Variants in LYPD6B observed in about 807,000 individuals in gnomAD.
The protein encoded by LYPD6B is LY6/PLAUR domain containing 6B, also known as ly6/PLAUR domain-containing protein 6B.
In LYPD6B, 17 loss-of-function variants were observed where a neutral mutation model predicts 22.8. That is an observed-to-expected ratio of 0.75 (90% CI 0.51 to 1.12). The LOEUF is 1.12. Ranked by LOEUF, LYPD6B falls within the 50% of genes most tolerant of loss-of-function variation. The pLI is 0.00. For missense variants in LYPD6B, 221 were observed against 258.3 expected (o/e 0.86, Z 0.99); for synonymous variants, 106 against 91.6 (o/e 1.16, Z -0.90).
chr2:149,122,952 G>C (rs1687468477), intron 1 of LYPD6B, among the ~76,000 whole-genome samples: 1 of 152,188 alleles, frequency 6.6e-6, no homozygotes, highest in Admixed American at 6.5e-5. Context: ...GTTCAAATTA[G>C]TGTCAAGCAG....
At chr2:149,125,207 C>A (rs1687625969) in intron 1 of LYPD6B, among the ~76,000 whole-genome samples, 1 of 152,186 alleles carries the variant, frequency 6.6e-6, no homozygotes, top group Admixed American at 6.5e-5. Context: ...TGTAACGTCA[C>A]AAATCACTAA....
intron 1 of LYPD6B, 132 bp downstream of exon 1, chr2:149,038,933 C>G (rs1045924042): frequency 8.4e-5 from 11 of 130,802 alleles, no homozygotes; most frequent in Admixed American, 7.1e-4. Context: ...GCTGGGGCAG[C>G]CAGGAGCTCG....
At chr2:149,187,787 A>G (rs1355663075) in intron 3 of LYPD6B, among the ~76,000 whole-genome samples, 1 of 152,270 alleles carries the variant, frequency 6.6e-6, no homozygotes, top group African/African-American at 2.4e-5. Flanking sequence ...GAAAGTTTAC[A>G]AAATTTGTGT....
At chr2:149,058,723 G>A (rs1463306339) in intron 1 of LYPD6B, among the ~76,000 whole-genome samples, 8 of 152,246 alleles carry the variant, frequency 5.3e-5, no homozygotes, top group South Asian at 2.1e-4. Flanking sequence ...AGGTTCCAGC[G>A]ATTCTCCTGC....
Position 149,215,058 on chromosome 2 carries a change from C to T in LYPD6B, c.*348C>T. The T allele has an allele frequency of 4.1e-6, 1 of 246,300 alleles. No homozygotes were observed. Among genetic ancestry groups the T allele is most frequent in the Non-Finnish European group, 7.9e-6 (1 of 125,804 alleles). 15.3% of individuals were successfully genotyped at this position (246,300 alleles called of 1,614,324 possible). A position where few individuals can be genotyped will look rare whatever the true frequency, so the allele number is the denominator to read the frequency against. ...ACCTCCTTGACTGCCTCAGAGGCTGCCAGGTCAAACCCTCTTGTTTATGTG... is the reference window on the plus strand; with the variant it reads ...ACCTCCTTGACTGCCTCAGAGGCTGTCAGGTCAAACCCTCTTGTTTATGTG... On this transcript the variant is annotated 3_prime_UTR_variant, in exon 7 of 7. Transcript: ENST00000409642.
chr2:149,136,374 G>A (rs1167839851), intron 2 of LYPD6B, among the ~76,000 whole-genome samples: 1 of 152,180 alleles, frequency 6.6e-6, no homozygotes, highest in Non-Finnish European at 1.5e-5. Flanking sequence ...AATTACCGTG[G>A]CTTTTGGTAG....
rs114756382 is a variant in LYPD6B, at chr2:149,119,491, C to T, written c.-66-11392C>T. On this transcript the variant is annotated intron_variant, in intron 1 of 6. Coordinates refer to ENST00000409642, the MANE Select transcript of LYPD6B (RefSeq NM_177964.5). ...GGAAAGTACATTTCTCTTGGATTTT[C>T]CTGTCTTTTGACATGTACCTTTGTG... Among the ~76,000 whole-genome samples, 1,448 of 152,306 alleles carry T rather than the reference C, an allele frequency of 9.5e-3. 11 individuals are homozygous for T. The highest frequency in any genetic ancestry group is 0.013 in the Non-Finnish European group (895 of 68,024).
rs190056940 is a variant in LYPD6B, at chr2:149,172,500, A to T, written c.77+11665A>T. Among the ~76,000 whole-genome samples the T allele has an allele frequency of 2.6e-3, 401 of 152,290 alleles. 2 individuals are homozygous for T. The highest frequency in any genetic ancestry group is 4.5e-3 in the Non-Finnish European group (309 of 68,020). Reference sequence around the variant, plus strand: ...GAGAGGTGATTTCAGGTCAGAGTTGATGCAGGATGAGATTATGCCTTGTTC... The same window carrying T: ...GAGAGGTGATTTCAGGTCAGAGTTGTTGCAGGATGAGATTATGCCTTGTTC... On this transcript the variant is annotated intron_variant, in intron 3 of 6. Transcript: ENST00000409642.
chr2:149,082,639 T>A (rs1685189686), intron 1 of LYPD6B, among the ~76,000 whole-genome samples: 2 of 152,214 alleles, frequency 1.3e-5, no homozygotes, highest in East Asian at 1.9e-4. Flanking sequence ...TGGTAAAGAT[T>A]AACCCCATCT....
At chr2:149,124,828 C>A (rs1313645997) in intron 1 of LYPD6B, among the ~76,000 whole-genome samples, 4 of 152,172 alleles carry the variant, frequency 2.6e-5, no homozygotes, top group African/African-American at 7.2e-5. Context: ...TCATCCCCAA[C>A]TCTTTTCCCA....
chr2:149,148,550 TG>T (rs1689174405), intron 2 of LYPD6B, among the ~76,000 whole-genome samples: 1 of 152,262 alleles, frequency 6.6e-6, no homozygotes, highest in Non-Finnish European at 1.5e-5. Context: ...CTTAGAGGGA[TG>T]TCCAGGCTCA....
chr2:149,145,328 G>A (rs576837502), intron 2 of LYPD6B, among the ~76,000 whole-genome samples: 17 of 152,298 alleles, frequency 1.1e-4, no homozygotes, highest in South Asian at 6.2e-4. Flanking sequence ...CGCTCTTGAG[G>A]GGACCTGGGA....
intron 1 of LYPD6B, among the ~76,000 whole-genome samples, chr2:149,094,647 A>C (rs1195021323): frequency 6.6e-6 from 1 of 152,222 alleles, no homozygotes; most frequent in African/African-American, 2.4e-5. Flanking sequence ...AGAATAAACA[A>C]AAATAGATTT....
intron 1 of LYPD6B, among the ~76,000 whole-genome samples, chr2:149,088,500 C>T (rs1316356445): frequency 6.6e-6 from 1 of 152,040 alleles, no homozygotes; most frequent in Non-Finnish European, 1.5e-5. Context: ...TTCTTTGGAC[C>T]AAGGATTACC....
chr2:149,191,126 A>G (rs567447424), intron 3 of LYPD6B, among the ~76,000 whole-genome samples: 9 of 152,216 alleles, frequency 5.9e-5, no homozygotes, highest in African/African-American at 1.4e-4. Context: ...TGCCAATCTT[A>G]TTTTATCTAT....
At chr2:149,148,709 T>G (rs1027598168) in intron 2 of LYPD6B, among the ~76,000 whole-genome samples, 1 of 152,228 alleles carries the variant, frequency 6.6e-6, no homozygotes, top group African/African-American at 2.4e-5. Context: ...AAAACTGTGC[T>G]GGCCAAATTA....
intron 1 of LYPD6B, among the ~76,000 whole-genome samples, chr2:149,103,769 A>G (rs1574972456): frequency 1.0e-5 from 1 of 95,672 alleles, no homozygotes; most frequent in Non-Finnish European, 2.0e-5. Flanking sequence ...CGTTGTGCAT[A>G]TCTTTTTTTT....
chr2:149,184,716 T>A (rs1268470785), intron 3 of LYPD6B, among the ~76,000 whole-genome samples: 1 of 152,248 alleles, frequency 6.6e-6, no homozygotes, highest in Non-Finnish European at 1.5e-5. Flanking sequence ...AACCTCTGTC[T>A]CTTTCTCTTG....
At chr2:149,064,182 G>GTAAAA (rs1684221667) in intron 1 of LYPD6B, among the ~76,000 whole-genome samples, 1 of 152,168 alleles carries the variant, frequency 6.6e-6, no homozygotes, top group African/African-American at 2.4e-5. Context: ...AGTTTTAGAA[G>GTAAAA]TACAGCCCTA....
Sources: gnomAD v4.1 joint callset for allele counts (sites outside exome capture counted in the v4.1 genomes callset) on GRCh38, gnomAD v4.1.1 for gene constraint, MANE v1.5 for transcripts, NCBI Gene and HGNC (gene_info 2026-07-23, HGNC 2026-07-21) for gene names.